DECR2: variants seen among roughly 807,000 people sequenced by gnomAD.
DECR2 encodes 2,4-dienoyl-CoA reductase 2, also known as peroxisomal 2,4-dienoyl-CoA reductase [(3E)-enoyl-CoA-producing].
In DECR2, 34 loss-of-function variants were observed where a neutral mutation model predicts 29.2. That is an observed-to-expected ratio of 1.16 (90% confidence interval 0.89 to 1.55). The LOEUF (loss-of-function observed/expected upper bound fraction) is 1.55. Ranked by LOEUF, DECR2 falls within the 40% of genes most tolerant of loss-of-function variation. DECR2 has a pLI of 0.00. For missense variants in DECR2, 485 were observed against 425.3 expected, an observed-to-expected ratio of 1.14 and a Z score of -1.23; for synonymous variants, 224 against 182.7, an observed-to-expected ratio of 1.23 and a Z score of -1.82.
chr16:402,141 A>AACCTGTCT, intron 1 of DECR2, 98 bp downstream of exon 1: 1 of 989,362 alleles, frequency 1.0e-6, no homozygotes, highest in Non-Finnish European at 1.3e-6. Context: ...CGTGTTAGGA[A>AACCTGTCT]ACCTGTCTTG....
intron 1 of DECR2, among the ~76,000 whole-genome samples, chr16:403,970 G>A (rs1190118309): frequency 2.6e-5 from 4 of 151,966 alleles, no homozygotes; most frequent in Non-Finnish European, 4.4e-5. Context: ...TCAGGAGATC[G>A]AGACCATCCT....
rs2054793108 is a variant in DECR2 at position 410,137 on chromosome 16, G to C, written c.338-106G>C. On this transcript the variant is annotated intron_variant, in intron 4 of 8. Transcript: ENST00000219481. The surrounding 1 kb of genome is among the most constrained non-coding windows in gnomAD (Gnocchi z 4.1). Reference sequence around the variant, plus strand: ...ATGGGTCTCCTCCCTGTGCCACAGGGCACCTGGGCTCCCTCCTGCACCCTC... The same window carrying C: ...ATGGGTCTCCTCCCTGTGCCACAGGCCACCTGGGCTCCCTCCTGCACCCTC... 2.0e-6 allele frequency: 3 copies of C among 1,474,130 alleles called. No homozygotes were observed. In the South Asian group the frequency reaches 3.9e-5, roughly 19 times the overall value. 91.3% of individuals were successfully genotyped at this position (1,474,130 alleles called of 1,614,324 possible).
chr16:409,829 G>A lies in DECR2; in HGVS notation c.338-414G>A, dbSNP rs572318640. On this transcript the variant is annotated intron_variant, in intron 4 of 8. Coordinates refer to ENST00000219481, the MANE Select transcript of DECR2 (RefSeq NM_020664.4). ...TACTGCCATAGCCCTTGGCCCTCCCGGGCTCGGAGACCGTCGCTGCACTGT... is the reference window on the plus strand; with the variant it reads ...TACTGCCATAGCCCTTGGCCCTCCCAGGCTCGGAGACCGTCGCTGCACTGT... 196 of 167,570 alleles carry A rather than the reference G, an allele frequency of 1.2e-3. 2 individuals are homozygous for A. The highest frequency in any genetic ancestry group is 5.8e-3 in the South Asian group (35 of 6,020). 10.4% of individuals were successfully genotyped at this position (167,570 alleles called of 1,614,324 possible).
rs2054801730 is a variant in DECR2 at position 410,520 on chromosome 16, C to T, written c.462+153C>T. The T allele has an allele frequency of 1.1e-5, 15 of 1,365,752 alleles. No homozygotes were observed. In the Admixed American group the frequency reaches 1.4e-4, roughly 13 times the overall value. 84.6% of individuals were successfully genotyped at this position (1,365,752 alleles called of 1,614,324 possible). On this transcript the variant is annotated intron_variant, in intron 5 of 8. Transcript: ENST00000219481. This position sits in a 1 kb window ranked among gnomAD's most constrained non-coding sequence, Gnocchi z 4.1. ...CGGGGGCCTCCCCCTGACGGCCGCC[C>T]GCTCCCTGCCCTGGGCCTCCCCATG...
chr16:408,618 C>A (rs1367625061), intron 4 of DECR2, among the ~76,000 whole-genome samples: 1 of 151,634 alleles, frequency 6.6e-6, no homozygotes, highest in Non-Finnish European at 1.5e-5. Flanking sequence ...AGCCATCCTC[C>A]TGCCCCAGCC....
In DECR2 at chr16:410,316, T is replaced by C. The variant is rs759970750; in HGVS notation, c.411T>C (p.Asp137=). 4.3e-6 allele frequency: 7 copies of C among 1,613,378 alleles called. No individual in the cohort carries two copies. In the African/African-American group the frequency reaches 8.0e-5, roughly 18 times the overall value. The change falls in exon 5 of 9, where the codon GAT becomes GAC. Residue 137 remains aspartate, a synonymous_variant. Coordinates refer to ENST00000219481, the MANE Select transcript of DECR2 (RefSeq NM_020664.4). The surrounding 1 kb of genome is among the most constrained non-coding windows in gnomAD (Gnocchi z 4.1). The stretch of plus-strand genomic sequence containing the variant: ...CCTTCAAGACCGTGATGGACATCGA[T>C]ACCAGCGGCACCTTCAATGTGTCTC... ...FNAFKTVMDI[D]TSGTFNVSRV...
intron 2 of DECR2, among the ~76,000 whole-genome samples, chr16:406,006 C>T (rs536415140): frequency 6.6e-6 from 1 of 152,322 alleles, no homozygotes; most frequent in Admixed American, 6.5e-5. Flanking sequence ...TCCACGCCAG[C>T]CCCACAGGGA....
rs1410714790 is a variant in DECR2 at position 411,877 on chromosome 16, G to GA, written c.*1-10dup. ...CGTCCTCAGCCGGCTACTAAGTTCT[G>GA]AAACTCCTGCAGGAATCTTCCGGCC... On this transcript the variant is annotated splice_polypyrimidine_tract_variant and intron_variant, in intron 8 of 8. Transcript: ENST00000219481. 4 of 398,786 alleles carry GA rather than the reference G, an allele frequency of 1.0e-5. No homozygotes were observed. The highest frequency in any genetic ancestry group is 8.3e-5 in the African/African-American group (4 of 48,190). The allele number at this position is 398,786 out of a possible 1,614,324, so 24.7% of individuals were successfully genotyped here.
rs1288488256 is a variant in DECR2 at position 410,891 on chromosome 16, C to T, written c.557-81C>T. On this transcript the variant is annotated intron_variant, in intron 6 of 8. Transcript: ENST00000219481. The surrounding 1 kb of genome is among the most constrained non-coding windows in gnomAD (Gnocchi z 4.1). ...CTCCACTTGAAGCTGAGCCCAGCTG[C>T]AGGCAGCGAGACCTGGCCTTGGCCC... is the stretch of plus-strand genomic sequence containing the variant. 4 of 1,528,836 alleles carry T rather than the reference C, an allele frequency of 2.6e-6. No individual in the cohort carries two copies. The highest frequency in any genetic ancestry group is 2.8e-5 in the African/African-American group (2 of 72,706). 94.7% of individuals were successfully genotyped at this position (1,528,836 alleles called of 1,614,324 possible).
rs1250447373 is a variant in DECR2 at position 411,936 on chromosome 16, G to C, written c.*47G>C. 1.5e-5 allele frequency: 4 copies of C among 272,942 alleles called. No individual in the cohort carries two copies. Among genetic ancestry groups the C allele is most frequent in the Non-Finnish European group, 2.8e-5 (4 of 144,394 alleles). The allele number at this position is 272,942 out of a possible 1,614,324, so 16.9% of individuals were successfully genotyped here. A position where few individuals can be genotyped will look rare whatever the true frequency, so the allele number is the denominator to read the frequency against. ...CTGCCGCCTCACTCAGCCAGGTGGA[G>C]AGCACCAATCTGAACCAGCAATGCC... is the stretch of plus-strand genomic sequence containing the variant. On this transcript the variant is annotated 3_prime_UTR_variant, in exon 9 of 9. Transcript: ENST00000219481.
chr16:407,960 TCTGTCTCCGGCCCC>T lies in DECR2; in HGVS notation c.337+411_337+424del, dbSNP rs2054752570. Among the ~76,000 whole-genome samples, 4 of 25,474 alleles carry T rather than the reference TCTGTCTCCGGCCCC, an allele frequency of 1.6e-4. No individual in the cohort carries two copies. In the Admixed American group the frequency reaches 1.8e-3, roughly 11 times the overall value. The allele number at this position is 25,474 out of a possible 152,430, so 16.7% of individuals were successfully genotyped here. On this transcript the variant is annotated intron_variant, in intron 4 of 8. Transcript: ENST00000219481. Reference sequence around the variant, plus strand: ...GTCTCCGGGCCCCTGTCTCCAGGCCTCTGTCTCCGGCCCCCTGTCTCCGGGCCCCTGTCTCCGGG... The same window carrying T: ...GTCTCCGGGCCCCTGTCTCCAGGCCTCTGTCTCCGGGCCCCTGTCTCCGGG...
At position 406,407 on chromosome 16, in the gene DECR2, C is replaced by A; in HGVS notation, c.201+10C>A. On this transcript the variant is annotated intron_variant, in intron 3 of 8. Transcript: ENST00000219481. ...GCCGCGAGTGCTGACGGTGAGAGGGCCTCTCCCATGGTCCCCTGTTCGGGT... is the reference window on the plus strand; with the variant it reads ...GCCGCGAGTGCTGACGGTGAGAGGGACTCTCCCATGGTCCCCTGTTCGGGT... The A allele has an allele frequency of 6.2e-7, 1 of 1,607,328 alleles. No individual in the cohort carries two copies. Among genetic ancestry groups the A allele is most frequent in the Non-Finnish European group, 8.5e-7 (1 of 1,179,772 alleles).
chr16:402,755 G>A (rs987793959), intron 1 of DECR2, among the ~76,000 whole-genome samples: 1 of 151,882 alleles, frequency 6.6e-6, no homozygotes, highest in East Asian at 2.0e-4. Context: ...AGGCCGAAGC[G>A]GGTAGATCAC....
chr16:405,859 C>A (rs1280960566), intron 2 of DECR2, among the ~76,000 whole-genome samples: 1 of 152,188 alleles, frequency 6.6e-6, no homozygotes, highest in African/African-American at 2.4e-5. Context: ...CTTCTTTGTG[C>A]TCTTTCGCAA....
Position 411,412 on chromosome 16 carries a change from G to A in DECR2, c.713G>A (p.Arg238Lys). 6.2e-7 allele frequency: 1 copy of A among 1,613,056 alleles called. No individual in the cohort carries two copies. The highest frequency in any genetic ancestry group is 8.5e-7 in the Non-Finnish European group (1 of 1,179,974). ...AAGGTCACTGCCAGCCCGCTGCAGA[G>A]GCTGGGGAACAAGACCGAGATCGCC... ...STKVTASPLQ[R>K]LGNKTEIAHS... Residue 238 changes from arginine (R) to lysine (K), a missense_variant, in exon 8 of 9, where the codon AGG (arginine) becomes AAG (lysine). Coordinates refer to ENST00000219481, the MANE Select transcript of DECR2 (RefSeq NM_020664.4).
chr16:406,566 C>T (rs974901006), intron 3 of DECR2, 169 bp downstream of exon 3: 11 of 682,422 alleles, frequency 1.6e-5, no homozygotes, highest in Middle Eastern at 4.0e-4. Context: ...GGTGCGATCT[C>T]GGCTCACTGC....
chr16:408,835 T>C (rs1453091339), intron 4 of DECR2, among the ~76,000 whole-genome samples: 5 of 27,082 alleles, frequency 1.8e-4, no homozygotes, highest in Non-Finnish European at 1.1e-4. Context: ...CTGGCCTAGC[T>C]TTTTTTTTTT....
intron 4 of DECR2, among the ~76,000 whole-genome samples, chr16:407,960 TCTGTCTCCGGC>T (rs2054752542): frequency 3.9e-5 from 1 of 25,456 alleles, no homozygotes; most frequent in Non-Finnish European, 7.0e-5. Flanking sequence ...TCTCCAGGCC[TCTGTCTCCGGC>T]CCCCTGTCTC....
At chr16:407,296 A>C in intron 3 of DECR2, 129 bp from the exon 4 acceptor site, 2 of 1,470,316 alleles carry the variant, frequency 1.4e-6, no homozygotes, top group Middle Eastern at 2.6e-4. Flanking sequence ...GTGCTTCCCC[A>C]GAGTGGGGTC....
Sources: allele counts gnomAD v4.1 joint callset (sites outside exome capture counted in the v4.1 genomes callset), GRCh38; gene constraint gnomAD v4.1.1; non-coding constraint Gnocchi (gnomAD v3.1); transcripts MANE v1.5; gene names NCBI Gene and HGNC (gene_info 2026-07-23, HGNC 2026-07-21).